SMOC2: variants seen among roughly 807,000 people sequenced by gnomAD.
The protein encoded by SMOC2 is SPARC related modular calcium binding 2, also known as SPARC-related modular calcium-binding protein 2.
SMOC2 carries 39 observed loss-of-function variants against 61.4 expected under a neutral mutation model. The ratio of observed to expected loss-of-function variants is 0.64; its 90% confidence interval spans 0.49 to 0.83. The LOEUF (loss-of-function observed/expected upper bound fraction) is 0.83. SMOC2 is among the 40% of genes least tolerant of loss of function. The pLI is 0.00. For synonymous variants in SMOC2, 247 were observed against 239.9 expected (o/e 1.03, Z -0.27); for missense variants, 556 against 592.9 (o/e 0.94, Z 0.65).
At chr6:168,585,088 G>T (rs545994125) in intron 7 of SMOC2, among the ~76,000 whole-genome samples, 1 of 152,298 alleles carries the variant, frequency 6.6e-6, no homozygotes, top group South Asian at 2.1e-4. Context: ...CTCCAGAGTA[G>T]CTGGAACTAC....
intron 8 of SMOC2, among the ~76,000 whole-genome samples, chr6:168,607,731 C>G (rs1306940264): frequency 2.0e-5 from 3 of 151,992 alleles, no homozygotes; most frequent in Non-Finnish European, 4.4e-5. Flanking sequence ...GTCACACCCT[C>G]TGTCCTCGTG....
At chr6:168,466,825 G>A (rs888679096) in intron 1 of SMOC2, among the ~76,000 whole-genome samples, 1 of 152,200 alleles carries the variant, frequency 6.6e-6, no homozygotes. Flanking sequence ...GGTTTCTCCC[G>A]GATGTTTCAG....
In SMOC2 at chr6:168,527,745, T is replaced by C. The variant is rs767674935; in HGVS notation, c.463+18T>C. 53 of 1,508,214 alleles carry C rather than the reference T, an allele frequency of 3.5e-5. No homozygotes were observed. In the East Asian group the frequency reaches 1.3e-3, roughly 36 times the overall value. 93.4% of individuals were successfully genotyped at this position (1,508,214 alleles called of 1,614,324 possible). The stretch of plus-strand genomic sequence containing the variant: ...GTGCCCGGGTAGGTCTGACGTGCCT[T>C]TCCAAGTGGAAGGCTTGAAGGGAAT... On this transcript the variant is annotated intron_variant, in intron 4 of 12. Coordinates refer to ENST00000356284, the MANE Select transcript of SMOC2 (RefSeq NM_001166412.2).
chr6:168,484,910 G>A (rs950593782), intron 1 of SMOC2, among the ~76,000 whole-genome samples: 18 of 152,176 alleles, frequency 1.2e-4, no homozygotes, highest in African/African-American at 4.3e-4. Context: ...AAGTCATAGA[G>A]ACAAAGTAGA....
At chr6:168,459,442 C>T (rs973022640) in intron 1 of SMOC2, among the ~76,000 whole-genome samples, 9 of 152,106 alleles carry the variant, frequency 5.9e-5, no homozygotes, top group African/African-American at 1.2e-4. Context: ...TGAGTTCCTT[C>T]GGTCATGCCT....
chr6:168,495,889 T>G (rs1184513879), intron 1 of SMOC2, among the ~76,000 whole-genome samples: 1 of 152,198 alleles, frequency 6.6e-6, no homozygotes, highest in Non-Finnish European at 1.5e-5. Flanking sequence ...CTCCTTGGCC[T>G]CCTCACCGAT....
At chr6:168,448,599 C>G (rs60221669) in intron 1 of SMOC2, among the ~76,000 whole-genome samples, 1 of 99,484 alleles carries the variant, frequency 1.0e-5, no homozygotes, top group African/African-American at 4.2e-5. Flanking sequence ...ATGGGGAGGA[C>G]GATGATGGGG....
chr6:168,608,569 C>T (rs1785773303), intron 9 of SMOC2, among the ~76,000 whole-genome samples: 1 of 152,226 alleles, frequency 6.6e-6, no homozygotes, highest in South Asian at 2.1e-4. Context: ...CCAAAGAACC[C>T]TTTATTCATT....
chr6:168,545,272 C>T (rs1783965730), intron 5 of SMOC2, among the ~76,000 whole-genome samples: 1 of 150,344 alleles, frequency 6.7e-6, no homozygotes, highest in South Asian at 2.1e-4. Flanking sequence ...AAAAAAAAAT[C>T]TAGAGGAATT....
rs1235989793 is a variant in SMOC2, at chr6:168,649,472, C to G, written c.908-1209C>G. Among the ~76,000 whole-genome samples the G allele has an allele frequency of 3.3e-5, 5 of 152,308 alleles. 1 individual carries two copies. The East Asian group carries it at 9.7e-4, about 29-fold the overall frequency. On this transcript the variant is annotated intron_variant, in intron 9 of 12. Transcript: ENST00000356284. ...GCGTGGCTCAGTGGGGACGCTGTCC[C>G]TCCAGGGCTGGTGCCTGGCTTCTGT...
At chr6:168,659,715 TG>T (rs1787446147) in intron 11 of SMOC2, among the ~76,000 whole-genome samples, 1 of 149,300 alleles carries the variant, frequency 6.7e-6, no homozygotes, top group Non-Finnish European at 1.5e-5. Context: ...GGTTGTAGGC[TG>T]AGTGAGGGTG....
chr6:168,556,058 T>G (rs1033140333), intron 7 of SMOC2, among the ~76,000 whole-genome samples: 7 of 152,098 alleles, frequency 4.6e-5, no homozygotes, highest in Non-Finnish European at 8.8e-5. Context: ...CATGCGGGTC[T>G]CAGCCCGAGG....
intron 8 of SMOC2, among the ~76,000 whole-genome samples, chr6:168,606,570 C>T (rs1222222789): frequency 6.6e-6 from 1 of 152,020 alleles, no homozygotes; most frequent in African/African-American, 2.4e-5. Context: ...AGAGAAATTT[C>T]ATTTTATTTT....
chr6:168,477,905 T>C (rs758249880), intron 1 of SMOC2, among the ~76,000 whole-genome samples: 15 of 152,204 alleles, frequency 9.9e-5, no homozygotes, highest in Admixed American at 2.0e-4. Flanking sequence ...TCGATTCTTC[T>C]TACGACCCAG....
At chr6:168,482,358 C>G (rs1782224662) in intron 1 of SMOC2, among the ~76,000 whole-genome samples, 1 of 150,870 alleles carries the variant, frequency 6.6e-6, no homozygotes, top group Non-Finnish European at 1.5e-5. Flanking sequence ...ATAAAACCTA[C>G]CAAGACTAAC....
intron 7 of SMOC2, among the ~76,000 whole-genome samples, chr6:168,592,361 GGCC>G (rs1785206246): frequency 7.7e-6 from 1 of 129,388 alleles, no homozygotes. Flanking sequence ...TCCTTCCTGA[GGCC>G]TCACGGGCAT....
In SMOC2 at chr6:168,521,759, C is replaced by T. The variant is rs997395847; in HGVS notation, c.257-4587C>T. On this transcript the variant is annotated intron_variant, in intron 2 of 12. Coordinates refer to ENST00000356284, the MANE Select transcript of SMOC2 (RefSeq NM_001166412.2). ...TTGCCAGTCGTGGTGCCTGTCTTCCCAGCTACTGGGCAGGCTGAGGTGAGA... is the reference window on the plus strand; with the variant it reads ...TTGCCAGTCGTGGTGCCTGTCTTCCTAGCTACTGGGCAGGCTGAGGTGAGA... 3.9e-5 allele frequency among the ~76,000 whole-genome samples: 6 copies of T among 152,224 alleles called. No individual in the cohort carries two copies. The South Asian group carries it at 8.3e-4, about 21-fold the overall frequency.
At chr6:168,540,432 C>T (rs192541593) in intron 4 of SMOC2, among the ~76,000 whole-genome samples, 14 of 152,310 alleles carry the variant, frequency 9.2e-5, no homozygotes, top group Non-Finnish European at 5.9e-5. Context: ...ATCCATTGTG[C>T]ACTCCTATGT....
chr6:168,540,139 A>C (rs77323071), intron 4 of SMOC2, among the ~76,000 whole-genome samples: 5 of 152,224 alleles, frequency 3.3e-5, no homozygotes, highest in African/African-American at 1.2e-4. Flanking sequence ...AAATTGGACT[A>C]AAGTGTGTAG....
Sources: gnomAD v4.1 joint callset for allele counts (sites outside exome capture counted in the v4.1 genomes callset) on GRCh38, gnomAD v4.1.1 for gene constraint, MANE v1.5 for transcripts, NCBI Gene and HGNC (gene_info 2026-07-23, HGNC 2026-07-21) for gene names.